The following PCSK6 variants were observed in gnomAD, a reference collection of about 807,000 sequenced individuals.
PCSK6 encodes proprotein convertase subtilisin/kexin type 6, also known as paired basic amino acid cleaving enzyme 4.
Under a neutral mutation model 123.3 loss-of-function variants are expected in PCSK6, and 85 were observed. That is an observed-to-expected ratio of 0.69 (90% CI 0.58 to 0.83). The LOEUF (loss-of-function observed/expected upper bound fraction) is 0.83, where lower values mean the gene tolerates loss of function less well. PCSK6 is among the 40% of genes least tolerant of loss of function. The pLI, the probability that PCSK6 is intolerant of heterozygous loss-of-function variation, is 0.00. For synonymous variants in PCSK6, 508 were observed against 516.0 expected, an observed-to-expected ratio of 0.98 and a Z score of 0.21; for missense variants, 1,191 against 1,282.3, an observed-to-expected ratio of 0.93 and a Z score of 1.09.
chr15:101,339,735 G>A lies in PCSK6; in HGVS notation c.1859-7704C>T, dbSNP rs189632460. Among the ~76,000 whole-genome samples, 205 of 152,116 alleles carry A rather than the reference G, an allele frequency of 1.3e-3. 2 individuals carry two copies. The highest frequency in any genetic ancestry group is 4.6e-3 in the African/African-American group (190 of 41,534). On this transcript the variant is annotated intron_variant, in intron 13 of 21. Transcript: ENST00000611716. ...CAGCCTGGCAACATAGTGAGACTCC[G>A]TTTCTACAAAAAATAAAATAGAAAA...
intron 17 of PCSK6, 145 bp downstream of exon 17, chr15:101,324,705 G>A (rs543700015): frequency 1.2e-5 from 8 of 660,500 alleles, no homozygotes; most frequent in Non-Finnish European, 2.0e-5. Flanking sequence ...CATCATCTCT[G>A]CCTCCTTCCC....
chr15:101,409,030 G>A (rs73481214), intron 6 of PCSK6, among the ~76,000 whole-genome samples: 3,769 of 152,312 alleles, frequency 0.025, 150 homozygotes, highest in African/African-American at 0.085. Context: ...TCCGGGGGCC[G>A]GAGCAGGGGA....
intron 6 of PCSK6, among the ~76,000 whole-genome samples, chr15:101,427,538 C>T (rs2056299559): frequency 6.6e-6 from 1 of 152,226 alleles, no homozygotes. Flanking sequence ...AAAGCTGTCA[C>T]TCTGTCTGGG....
intron 13 of PCSK6, among the ~76,000 whole-genome samples, chr15:101,356,633 T>A (rs925086283): frequency 2.5e-4 from 38 of 151,582 alleles, no homozygotes; most frequent in African/African-American, 8.7e-4. Context: ...TGAGCCGAGA[T>A]TGCGCCGTTG....
At chr15:101,432,305 T>A (rs74508833) in intron 2 of PCSK6, among the ~76,000 whole-genome samples, 3,410 of 151,956 alleles carry the variant, frequency 0.022, 119 homozygotes, top group African/African-American at 0.078. Flanking sequence ...GAGGAAGAAA[T>A]AACACCACTC....
At chr15:101,482,469 C>T (rs2057912810) in intron 1 of PCSK6, among the ~76,000 whole-genome samples, 1 of 152,198 alleles carries the variant, frequency 6.6e-6, no homozygotes, top group South Asian at 2.1e-4. Context: ...GTGTCGGCAG[C>T]CTGGCTGAGC....
chr15:101,412,691 TTATA>T (rs149902723), intron 6 of PCSK6, among the ~76,000 whole-genome samples: 5 of 124,740 alleles, frequency 4.0e-5, no homozygotes, highest in Admixed American at 7.8e-5. Flanking sequence ...AACTGGAAAA[TTATA>T]TATATATATA....
At chr15:101,361,818 G>A (rs2041232258) in intron 13 of PCSK6, among the ~76,000 whole-genome samples, 1 of 152,170 alleles carries the variant, frequency 6.6e-6, no homozygotes, top group South Asian at 2.1e-4. Context: ...GTGGAATGAG[G>A]AGGTAAGACA....
intron 1 of PCSK6, among the ~76,000 whole-genome samples, chr15:101,473,695 T>G (rs1382581614): frequency 6.6e-6 from 1 of 152,136 alleles, no homozygotes; most frequent in East Asian, 1.9e-4. Flanking sequence ...CTGGCCAACA[T>G]GGTGAAACCC....
At chr15:101,376,857 C>A (rs1277606299) in intron 11 of PCSK6, among the ~76,000 whole-genome samples, 1 of 152,052 alleles carries the variant, frequency 6.6e-6, no homozygotes, top group Non-Finnish European at 1.5e-5. Flanking sequence ...CTGAGGACAC[C>A]CAGGCATGCT....
chr15:101,369,430 G>C (rs1029079365), intron 12 of PCSK6, among the ~76,000 whole-genome samples: 3 of 152,216 alleles, frequency 2.0e-5, no homozygotes, highest in Non-Finnish European at 2.9e-5. Flanking sequence ...GTCACCAAAG[G>C]AGTCAAGTGG....
intron 4 of PCSK6, among the ~76,000 whole-genome samples, 190 bp from the exon 5 acceptor site, chr15:101,430,253 C>T (rs564751525): frequency 2.6e-5 from 4 of 151,682 alleles, no homozygotes; most frequent in Admixed American, 6.6e-5. Context: ...TAACCATTCT[C>T]GAGTGTGCGG....
At chr15:101,465,159 G>A (rs749905012) in intron 1 of PCSK6, among the ~76,000 whole-genome samples, 2 of 152,186 alleles carry the variant, frequency 1.3e-5, no homozygotes, top group African/African-American at 4.8e-5. Context: ...AGGGCCCTGC[G>A]AGGGGCAATC....
At chr15:101,386,644 G>A (rs2042072158) in intron 9 of PCSK6, among the ~76,000 whole-genome samples, 2 of 152,208 alleles carry the variant, frequency 1.3e-5, no homozygotes, top group Non-Finnish European at 2.9e-5. Flanking sequence ...ACGTCCTTGA[G>A]GGACCTCATC....
At chr15:101,318,075 G>T (rs1231236084) in intron 19 of PCSK6, among the ~76,000 whole-genome samples, 1 of 152,198 alleles carries the variant, frequency 6.6e-6, no homozygotes, top group Non-Finnish European at 1.5e-5. Flanking sequence ...TGTAACCATT[G>T]CCAGCATCTA....
intron 12 of PCSK6, among the ~76,000 whole-genome samples, chr15:101,366,951 G>A (rs1164052812): frequency 6.6e-6 from 1 of 152,240 alleles, no homozygotes; most frequent in East Asian, 1.9e-4. Flanking sequence ...CCCTTCACCT[G>A]CAGGGCTGAT....
In PCSK6 at chr15:101,468,669, G is replaced by A. The variant is rs79331718; in HGVS notation, c.297+20705C>T. On this transcript the variant is annotated intron_variant, in intron 1 of 21. Coordinates refer to ENST00000611716, the MANE Select transcript of PCSK6 (RefSeq NM_002570.5). ...CAAAATGTCCATGAAGGAGACAGCA[G>A]TTGGTACTAATAACTGGGAGTGGCC... Among the ~76,000 whole-genome samples, 351 of 152,332 alleles carry A rather than the reference G, an allele frequency of 2.3e-3. 10 individuals are homozygous for A. The East Asian group carries it at 0.06, about 26-fold the overall frequency.
At chr15:101,364,230 A>AT (rs2041321821) in intron 13 of PCSK6, among the ~76,000 whole-genome samples, 4 of 152,226 alleles carry the variant, frequency 2.6e-5, no homozygotes, top group Admixed American at 2.6e-4. Context: ...GGCACAGGGA[A>AT]CGACGGAACA....
intron 1 of PCSK6, among the ~76,000 whole-genome samples, chr15:101,451,195 A>C (rs1418965259): frequency 6.6e-6 from 1 of 151,996 alleles, no homozygotes; most frequent in Non-Finnish European, 1.5e-5. Context: ...GAAGATCCTG[A>C]GGAATGGAGG....
Sources: gnomAD v4.1 joint callset for allele counts (sites outside exome capture counted in the v4.1 genomes callset) on GRCh38, gnomAD v4.1.1 for gene constraint, MANE v1.5 for transcripts, NCBI Gene and HGNC (gene_info 2026-07-23, HGNC 2026-07-21) for gene names.